Variants in UGGT2 observed in about 807,000 individuals in gnomAD.
UGGT2 encodes the protein UDP-glucose:glycoprotein glucosyltransferase 2.
A neutral mutation model predicts 192.1 loss-of-function variants in UGGT2; 180 were observed. The ratio of observed to expected loss-of-function variants is 0.94; its 90% CI spans 0.83 to 1.06. UGGT2 has a LOEUF of 1.06. UGGT2 is among the 50% of genes least tolerant of loss of function. The probability of loss-of-function intolerance (pLI) is 0.00; values close to 1 mark genes in which losing one functional copy is unlikely to be tolerated. For missense variants in UGGT2, 1,849 were observed against 1,795.7 expected, an observed-to-expected ratio of 1.03 and a Z score of -0.54; for synonymous variants, 580 against 591.0, an observed-to-expected ratio of 0.98 and a Z score of 0.27.
intron 26 of UGGT2, among the ~76,000 whole-genome samples, chr13:95,886,651 G>A: frequency 6.6e-6 from 1 of 152,202 alleles, no homozygotes; most frequent in Non-Finnish European, 1.5e-5. Context: ...ATATGGACAA[G>A]AGTCTTGAGG....
In UGGT2 at chr13:95,854,357, C is replaced by T; in HGVS notation, c.4127G>A (p.Gly1376Glu). 6.2e-7 allele frequency: 1 copy of T among 1,613,690 alleles called. No individual in the cohort carries two copies. The highest frequency in any genetic ancestry group is 8.5e-7 in the Non-Finnish European group (1 of 1,179,824). ...TCTTAAAAGATGTGATGCCCAGTATCCTGTTTTCCAGAAACGATATCCATC... is the reference window on the plus strand; with the variant it reads ...TCTTAAAAGATGTGATGCCCAGTATTCTGTTTTCCAGAAACGATATCCATC... ...EMDGYRFWKT[G>E]YWASHLLRRK... is the part of the protein sequence containing the mutation. The change falls in exon 35 of 39, where the codon GGA becomes GAA. Residue 1376 changes from glycine (G) to glutamate (E), a missense_variant. Coordinates refer to ENST00000376747, the MANE Select transcript of UGGT2 (RefSeq NM_020121.4).
intron 1 of UGGT2, among the ~76,000 whole-genome samples, 194 bp downstream of exon 1, chr13:96,052,960 GC>G (rs781150862): frequency 2.2e-4 from 33 of 152,358 alleles, no homozygotes; most frequent in Non-Finnish European, 3.7e-4. Context: ...GAAAGGAACT[GC>G]AAGTGAGTGC....
chr13:95,994,348 A>T (rs1250005715), intron 7 of UGGT2, among the ~76,000 whole-genome samples: 1 of 151,880 alleles, frequency 6.6e-6, no homozygotes, highest in East Asian at 1.9e-4. Context: ...TTAATTTATT[A>T]AAAAACAGTA....
At chr13:96,014,690 C>T (rs1477041132) in intron 4 of UGGT2, among the ~76,000 whole-genome samples, 1 of 152,170 alleles carries the variant, frequency 6.6e-6, no homozygotes, top group Non-Finnish European at 1.5e-5. Flanking sequence ...ACTGAATTTG[C>T]TGTCTTTCTT....
At chr13:95,914,899 T>C (rs2048633184) in intron 20 of UGGT2, among the ~76,000 whole-genome samples, 1 of 150,690 alleles carries the variant, frequency 6.6e-6, no homozygotes, top group Non-Finnish European at 1.5e-5. Flanking sequence ...GATATAGACA[T>C]TTTTTAACTG....
chr13:95,940,176 A>G, intron 15 of UGGT2, 85 bp from the exon 16 acceptor site: 1 of 1,086,302 alleles, frequency 9.2e-7, no homozygotes, highest in Non-Finnish European at 1.3e-6. Flanking sequence ...ATAGATTTTT[A>G]TTTTGTAAGT....
At chr13:95,987,941 T>C (rs2051341449) in intron 8 of UGGT2, among the ~76,000 whole-genome samples, 1 of 152,078 alleles carries the variant, frequency 6.6e-6, no homozygotes, top group South Asian at 2.1e-4. Context: ...ATTCAGCCAA[T>C]CCAAGTAACT....
At chr13:95,967,837 T>C (rs2050637792) in intron 12 of UGGT2, among the ~76,000 whole-genome samples, 1 of 152,202 alleles carries the variant, frequency 6.6e-6, no homozygotes, top group South Asian at 2.1e-4. Context: ...TTTTTATCAA[T>C]AGGTATTGAG....
rs1447586615 is a variant in UGGT2 at position 95,980,611 on chromosome 13, AAAC to A, written c.1092+3190_1092+3192del. 4.6e-5 allele frequency among the ~76,000 whole-genome samples: 7 copies of A among 152,348 alleles called. No individual in the cohort carries two copies. In the East Asian group the frequency reaches 1.3e-3, roughly 29 times the overall value. ...CCAAAAAACCTACTGAAATTAAAAC[AAAC>A]AACTGATCAAAGTAGATGGTTTGGG... On this transcript the variant is annotated intron_variant, in intron 10 of 38. Coordinates refer to ENST00000376747, the MANE Select transcript of UGGT2 (RefSeq NM_020121.4).
intron 4 of UGGT2, among the ~76,000 whole-genome samples, chr13:96,017,391 C>T (rs1594581186): frequency 1.3e-5 from 2 of 152,174 alleles, no homozygotes; most frequent in Admixed American, 1.3e-4. Flanking sequence ...CACTATGTGA[C>T]GTGCCTGTTC....
chr13:96,042,660 T>C (rs1045325773), intron 1 of UGGT2, among the ~76,000 whole-genome samples: 5 of 150,026 alleles, frequency 3.3e-5, no homozygotes, highest in Non-Finnish European at 5.9e-5. Context: ...GTGAAATAGA[T>C]TGCATAAATA....
At chr13:95,923,647 C>T (rs976974101) in intron 20 of UGGT2, among the ~76,000 whole-genome samples, 2 of 152,078 alleles carry the variant, frequency 1.3e-5, no homozygotes, top group African/African-American at 4.8e-5. Flanking sequence ...TTAATACCAA[C>T]AGTAGCAAAA....
Position 95,895,307 on chromosome 13 carries a change from T to C in UGGT2, c.2635-3A>G. On this transcript the variant is annotated splice_polypyrimidine_tract_variant and splice_region_variant and intron_variant, in intron 22 of 38. Transcript: ENST00000376747. ...TCTTCATCTAAAGGTCCTAAGAACT[T>C]AAAATAAAAACAGTTATATTATCAT... The C allele has an allele frequency of 7.1e-7, 1 of 1,412,958 alleles. No homozygotes were observed. The highest frequency in any genetic ancestry group is 9.6e-7 in the Non-Finnish European group (1 of 1,036,732). The allele number at this position is 1,412,958 out of a possible 1,614,324, so 87.5% of individuals were successfully genotyped here. A position where few individuals can be genotyped will look rare whatever the true frequency, so the allele number is the denominator to read the frequency against.
intron 38 of UGGT2, among the ~76,000 whole-genome samples, chr13:95,820,241 T>C (rs1481550283): frequency 6.6e-6 from 1 of 152,172 alleles, no homozygotes; most frequent in Non-Finnish European, 1.5e-5. Flanking sequence ...CCAATATAAA[T>C]CTTTTTCTTG....
intron 1 of UGGT2, among the ~76,000 whole-genome samples, chr13:96,048,101 G>A (rs1199282340): frequency 3.3e-5 from 5 of 152,154 alleles, no homozygotes; most frequent in African/African-American, 7.2e-5. Context: ...GGACTCCTCA[G>A]CAAATGTAAA....
chr13:95,888,728 C>T (rs1246722857), intron 25 of UGGT2, among the ~76,000 whole-genome samples: 1 of 152,034 alleles, frequency 6.6e-6, no homozygotes, highest in Non-Finnish European at 1.5e-5. Context: ...AATAAATTAT[C>T]CTTTTATAAA....
intron 1 of UGGT2, among the ~76,000 whole-genome samples, chr13:96,036,745 T>C (rs1440337931): frequency 1.3e-5 from 2 of 152,140 alleles, no homozygotes; most frequent in Admixed American, 6.5e-5. Context: ...AGGTAAGATA[T>C]TACCTTTGAA....
At chr13:95,983,414 A>G (rs2051189316) in intron 10 of UGGT2, 1 of 281,186 alleles carries the variant, frequency 3.6e-6, no homozygotes, top group Non-Finnish European at 7.0e-6. Context: ...ATCTTATCAA[A>G]CCACTGATAA....
intron 30 of UGGT2, among the ~76,000 whole-genome samples, 192 bp downstream of exon 30, chr13:95,867,147 T>C (rs1034833639): frequency 6.6e-5 from 10 of 152,122 alleles, no homozygotes; most frequent in African/African-American, 1.4e-4. Context: ...AAAATCCTTC[T>C]CTTCTATCTT....
Sources: allele counts gnomAD v4.1 joint callset (sites outside exome capture counted in the v4.1 genomes callset), GRCh38; gene constraint gnomAD v4.1.1; transcripts MANE v1.5; gene names NCBI Gene and HGNC (gene_info 2026-07-23, HGNC 2026-07-21).